The following VWA8 variants were observed in gnomAD, a reference collection of about 807,000 sequenced individuals.
VWA8 encodes von Willebrand factor A domain containing 8, also known as von Willebrand factor A domain-containing protein 8.
In VWA8, 221 loss-of-function variants were observed where a neutral mutation model predicts 241.5. The ratio of observed to expected loss-of-function variants is 0.91; its 90% CI spans 0.82 to 1.02. The LOEUF is 1.02. Ranked by LOEUF, VWA8 falls within the 50% of genes least tolerant of loss-of-function variation. The probability of loss-of-function intolerance (pLI) is 0.00; values close to 1 mark genes in which losing one functional copy is unlikely to be tolerated. For synonymous variants in VWA8, 852 were observed against 827.1 expected (o/e 1.03, Z -0.52); for missense variants, 2,322 against 2,328.7 (o/e 1.00, Z 0.06).
chr13:41,822,148 A>G (rs1253630834), intron 14 of VWA8, among the ~76,000 whole-genome samples: 2 of 152,200 alleles, frequency 1.3e-5, no homozygotes, highest in African/African-American at 2.4e-5. Context: ...TTAAATATGC[A>G]TAGTTTATTA....
At chr13:41,685,659 T>C (rs192762728) in intron 34 of VWA8, among the ~76,000 whole-genome samples, 3 of 152,270 alleles carry the variant, frequency 2.0e-5, no homozygotes, top group East Asian at 3.9e-4. Context: ...GTGTAAAATA[T>C]ACAAGTTAAA....
chr13:41,779,752 G>T (rs1435142092), intron 19 of VWA8, among the ~76,000 whole-genome samples: 1 of 152,104 alleles, frequency 6.6e-6, no homozygotes, highest in East Asian at 1.9e-4. Flanking sequence ...AAAAGTTGGA[G>T]TAAGTACCTG....
chr13:41,639,708 G>T (rs2044782749), intron 37 of VWA8, among the ~76,000 whole-genome samples: 1 of 152,144 alleles, frequency 6.6e-6, no homozygotes, highest in African/African-American at 2.4e-5. Flanking sequence ...AAGAACAAAG[G>T]GTTTCATTGA....
intron 21 of VWA8, among the ~76,000 whole-genome samples, chr13:41,737,102 T>A (rs932121964): frequency 1.3e-5 from 2 of 152,106 alleles, no homozygotes. Context: ...AATGCTGGGA[T>A]TAAAGGCGTG....
intron 24 of VWA8, among the ~76,000 whole-genome samples, chr13:41,726,709 T>G (rs2045437028): frequency 6.6e-6 from 1 of 152,034 alleles, no homozygotes; most frequent in Non-Finnish European, 1.5e-5. Context: ...AAATAATCTC[T>G]CTGGGCCGGG....
intron 12 of VWA8, among the ~76,000 whole-genome samples, chr13:41,864,164 G>C (rs1245319064): frequency 6.7e-6 from 1 of 148,556 alleles, no homozygotes; most frequent in South Asian, 2.1e-4. Context: ...AAAAAAGAAA[G>C]AAAAGTGTTA....
intron 26 of VWA8, among the ~76,000 whole-genome samples, chr13:41,715,462 A>G (rs2045342706): frequency 6.6e-6 from 1 of 151,958 alleles, no homozygotes; most frequent in Admixed American, 6.6e-5. Flanking sequence ...TTTCTTTAAA[A>G]CAAATGTTTT....
rs748766532 is a variant in VWA8, at chr13:41,732,131, CG to C, written c.2450del (p.Thr817SerfsTer22). ...GTCCGTCTTTAACCGAAGGCTGAAG[CG>C]TAAGAGTTTGTACTGTGGTATCCCT... The part of the protein sequence containing the change: ...LHRDTTVQTL[T>X]LQPSVKDGLI... On this transcript the variant is annotated frameshift_variant, in exon 22 of 45. Transcript: ENST00000379310. LOFTEE classifies it high-confidence loss of function. The C allele has an allele frequency of 3.3e-5, 54 of 1,612,848 alleles. No homozygotes were observed. In the Admixed American group the frequency reaches 9.0e-4, roughly 27 times the overall value.
At chr13:41,784,727 T>TATATATATATATACATAC (rs1555335045) in intron 18 of VWA8, among the ~76,000 whole-genome samples, 5 of 69,014 alleles carry the variant, frequency 7.2e-5, no homozygotes, top group Non-Finnish European at 1.6e-4. Flanking sequence ...TATATATATA[T>TATATATATATATACATAC]ATACACACAC....
chr13:41,729,437 C>G, intron 23 of VWA8, 105 bp downstream of exon 23: 3 of 1,164,618 alleles, frequency 2.6e-6, no homozygotes, highest in Non-Finnish European at 3.5e-6. Flanking sequence ...TCATATTGAA[C>G]TTATGCTTAT....
chr13:41,691,939 C>T lies in VWA8; in HGVS notation c.3676-1G>A. The T allele has an allele frequency of 1.2e-6, 2 of 1,602,022 alleles. No individual in the cohort carries two copies. Among genetic ancestry groups the T allele is most frequent in the Admixed American group, 3.3e-5 (2 of 59,810 alleles). ...ATTCTTTACACATTTTATAAGTTTC[C>T]TAAAGACAAACAAAACAAGATATTC... On this transcript the variant is annotated splice_acceptor_variant, in intron 30 of 44. Transcript: ENST00000379310. LOFTEE classifies it high-confidence loss of function.
At chr13:41,928,099 C>T (rs1251560462) in intron 2 of VWA8, among the ~76,000 whole-genome samples, 1 of 152,126 alleles carries the variant, frequency 6.6e-6, no homozygotes, top group Non-Finnish European at 1.5e-5. Context: ...CACCTAAATA[C>T]ATTAAAGCAA....
At chr13:41,784,691 CATATACATATATATATAT>C (rs1869063785) in intron 18 of VWA8, among the ~76,000 whole-genome samples, 1 of 45,462 alleles carries the variant, frequency 2.2e-5, no homozygotes. Context: ...TATACATATA[CATATACATATATATATAT>C]ATATATATAT....
chr13:41,873,555 C>T (rs1434217523), intron 9 of VWA8, among the ~76,000 whole-genome samples: 1 of 152,184 alleles, frequency 6.6e-6, no homozygotes, highest in Non-Finnish European at 1.5e-5. Context: ...GCTACAAACA[C>T]CTCTACGCAA....
chr13:41,575,330 TG>T (rs1482157312), intron 43 of VWA8, among the ~76,000 whole-genome samples: 2 of 152,066 alleles, frequency 1.3e-5, no homozygotes, highest in Non-Finnish European at 2.9e-5. Context: ...GCTCGGGTGA[TG>T]GGTACACTAT....
intron 37 of VWA8, among the ~76,000 whole-genome samples, chr13:41,654,570 G>A (rs2044889740): frequency 6.6e-6 from 1 of 152,178 alleles, no homozygotes; most frequent in South Asian, 2.1e-4. Flanking sequence ...GAGGGTTCAC[G>A]CTCCTGTGAG....
chr13:41,952,040 T>C (rs1429965058), intron 1 of VWA8, among the ~76,000 whole-genome samples: 1 of 152,162 alleles, frequency 6.6e-6, no homozygotes, highest in African/African-American at 2.4e-5. Context: ...CCATAACCCG[T>C]GCACCGCTCC....
At chr13:41,898,056 AATAGCTAG>A (rs1442033242) in intron 4 of VWA8, among the ~76,000 whole-genome samples, 1 of 152,130 alleles carries the variant, frequency 6.6e-6, no homozygotes, top group Non-Finnish European at 1.5e-5. Context: ...GCCCCACCAG[AATAGCTAG>A]ATACAGAGTG....
At chr13:41,687,703 A>G (rs1406040935) in intron 34 of VWA8, among the ~76,000 whole-genome samples, 2 of 152,152 alleles carry the variant, frequency 1.3e-5, no homozygotes, top group East Asian at 3.8e-4. Context: ...AGAGCAGCAC[A>G]CTGCCTATTC....
Sources: allele counts gnomAD v4.1 joint callset (sites outside exome capture counted in the v4.1 genomes callset), GRCh38; gene constraint gnomAD v4.1.1; transcripts MANE v1.5; gene names NCBI Gene and HGNC (gene_info 2026-07-23, HGNC 2026-07-21).